CACNA1I: variants seen among roughly 807,000 people sequenced by gnomAD.
The protein encoded by CACNA1I is voltage-dependent T-type calcium channel subunit alpha-1I.
Under a neutral mutation model 201.6 loss-of-function variants are expected in CACNA1I, and 74 were observed. The observed-to-expected ratio is 0.37, with a 90% confidence interval of 0.30 to 0.45. CACNA1I has a LOEUF of 0.45. Ranked by LOEUF, CACNA1I falls within the 20% of genes least tolerant of loss-of-function variation. The pLI, the probability that CACNA1I is intolerant of heterozygous loss-of-function variation, is 1.00. For synonymous variants in CACNA1I, 1,431 were observed against 1,345.2 expected (o/e 1.06, Z -1.40); for missense variants, 2,346 against 3,138.1 (o/e 0.75, Z 6.03).
chr22:39,663,516 G>A (rs977999849), intron 18 of CACNA1I, among the ~76,000 whole-genome samples: 1 of 152,204 alleles, frequency 6.6e-6, no homozygotes, highest in African/African-American at 2.4e-5. Flanking sequence ...GGGTGACCTC[G>A]TGGTGTGGGT....
chr22:39,585,044 C>G (rs1030172185), intron 1 of CACNA1I, among the ~76,000 whole-genome samples: 3 of 152,174 alleles, frequency 2.0e-5, no homozygotes, highest in African/African-American at 7.2e-5. Context: ...ACCTTCCTTT[C>G]TAGTTCTATG....
chr22:39,572,410 C>T (rs1467650797), intron 1 of CACNA1I, among the ~76,000 whole-genome samples: 1 of 152,020 alleles, frequency 6.6e-6, no homozygotes, highest in East Asian at 1.9e-4. Flanking sequence ...TCCAGGGATG[C>T]CAGATGCAGG....
intron 7 of CACNA1I, among the ~76,000 whole-genome samples, chr22:39,646,295 C>A (rs911493184): frequency 6.6e-6 from 1 of 151,996 alleles, no homozygotes; most frequent in Admixed American, 6.6e-5. Context: ...CTTTTCTGAG[C>A]CCGTCTTACT....
In CACNA1I at chr22:39,659,859, G is replaced by T. The variant is rs934577269; in HGVS notation, c.2604+7G>T. 6.8e-6 allele frequency: 11 copies of T among 1,613,566 alleles called. No homozygotes were observed. In the African/African-American group the frequency reaches 1.1e-4, roughly 16 times the overall value. ...GGAGGGCTTCCAGGCGGAGGTGACT[G>T]TGGTCTTGGCAGAGGAAGCACCCCC... On this transcript the variant is annotated splice_region_variant and intron_variant, in intron 14 of 36. Coordinates refer to ENST00000402142, the MANE Select transcript of CACNA1I (RefSeq NM_021096.4). This position sits in a 1 kb window ranked among gnomAD's most constrained non-coding sequence, Gnocchi z 4.3.
Position 39,585,436 on chromosome 22 carries a change from C to A in CACNA1I, c.237-12715C>A, listed in dbSNP as rs181705056. On this transcript the variant is annotated intron_variant, in intron 1 of 36. Transcript: ENST00000402142. ...ACTGAGTCTCCCTCTGTCACCCAGG[C>A]TGGAGTGCAGTGGCGCGATCTTGGC... 1.9e-4 allele frequency among the ~76,000 whole-genome samples: 25 copies of A among 129,046 alleles called. No individual in the cohort carries two copies. The East Asian group carries it at 5.7e-3, about 30-fold the overall frequency. The allele number at this position is 129,046 out of a possible 152,430, so 84.7% of individuals were successfully genotyped here. A position where few individuals can be genotyped will look rare whatever the true frequency, so the allele number is the denominator to read the frequency against.
intron 4 of CACNA1I, 101 bp from the exon 5 acceptor site, chr22:39,634,464 A>G (rs1028658191): frequency 1.3e-5 from 15 of 1,125,774 alleles, no homozygotes; most frequent in Non-Finnish European, 2.0e-5. Context: ...CTGATAATGC[A>G]TCCCCCTCCC....
Position 39,665,707 on chromosome 22 carries a change from C to A in CACNA1I, c.3978+83C>A. ...TCAGACAGCCAGGGGAGAGACTCCA[C>A]ATTCCAACCTCATGCGCCTTGCCAG... On this transcript the variant is annotated intron_variant, in intron 22 of 36. Transcript: ENST00000402142. This position sits in a 1 kb window ranked among gnomAD's most constrained non-coding sequence, Gnocchi z 5.5. 1 of 1,566,032 alleles carries A rather than the reference C, an allele frequency of 6.4e-7. No individual in the cohort carries two copies.
At chr22:39,631,859 T>A (rs1934072729) in intron 4 of CACNA1I, among the ~76,000 whole-genome samples, 1 of 152,126 alleles carries the variant, frequency 6.6e-6, no homozygotes, top group Non-Finnish European at 1.5e-5. Flanking sequence ...CCTCCCTGAA[T>A]CCCTAATCCT....
In CACNA1I at chr22:39,662,280, G is replaced by A. The variant is rs1241358662; in HGVS notation, c.3217G>A (p.Ala1073Thr). ...GGTGGACCTGGCCGAGCTGGTGCCCGCGGTGGGCGCCCACCCCCGGGCCGC... is the reference window on the plus strand; with the variant it reads ...GGTGGACCTGGCCGAGCTGGTGCCCACGGTGGGCGCCCACCCCCGGGCCGC... ...DSVDLAELVP[A>T]VGAHPRAAWR... The change falls in exon 17 of 37, where the codon GCG becomes ACG. Residue 1073 changes from alanine to threonine, a missense_variant. Transcript: ENST00000402142. The A allele has an allele frequency of 6.6e-7, 1 of 1,514,886 alleles. No individual in the cohort carries two copies. Among genetic ancestry groups the A allele is most frequent in the Non-Finnish European group, 8.8e-7 (1 of 1,136,912 alleles). The allele number at this position is 1,514,886 out of a possible 1,614,324, so 93.8% of individuals were successfully genotyped here.
chr22:39,623,345 TG>T (rs1456664345), intron 4 of CACNA1I, among the ~76,000 whole-genome samples: 1 of 151,680 alleles, frequency 6.6e-6, no homozygotes, highest in African/African-American at 2.4e-5. Context: ...CATGTGACAA[TG>T]TGTGCATCTG....
At chr22:39,664,631 CG>C (rs1310319543) in intron 20 of CACNA1I, 107 bp from the exon 21 acceptor site, 2 of 458,464 alleles carry the variant, frequency 4.4e-6, no homozygotes, top group African/African-American at 4.0e-5. Context: ...GCCCCCTCCC[CG>C]AAGCCGATCA....
intron 4 of CACNA1I, 46 bp downstream of exon 4, chr22:39,619,453 C>T: frequency 2.8e-6 from 4 of 1,447,264 alleles, no homozygotes; most frequent in Non-Finnish European, 3.8e-6. Context: ...TGATCCATCC[C>T]TGGCCAACCC....
chr22:39,663,338 C>T (rs1046597432), intron 18 of CACNA1I, among the ~76,000 whole-genome samples: 3 of 152,144 alleles, frequency 2.0e-5, no homozygotes, highest in Admixed American at 6.5e-5. Context: ...AGGCAGGTGG[C>T]ATTCCAGTAG....
intron 3 of CACNA1I, among the ~76,000 whole-genome samples, chr22:39,613,147 C>A (rs1188953102): frequency 6.6e-6 from 1 of 152,216 alleles, no homozygotes; most frequent in Non-Finnish European, 1.5e-5. Context: ...AAATCTCAGT[C>A]ATTTCTTGTG....
intron 1 of CACNA1I, among the ~76,000 whole-genome samples, chr22:39,582,477 TG>T (rs1320845110): frequency 6.6e-6 from 1 of 151,974 alleles, no homozygotes; most frequent in Non-Finnish European, 1.5e-5. Flanking sequence ...CCAGCCCCAG[TG>T]ACAAAGAATT....
chr22:39,681,559 C>T (rs188981884), intron 34 of CACNA1I, among the ~76,000 whole-genome samples: 3 of 152,330 alleles, frequency 2.0e-5, no homozygotes, highest in Admixed American at 1.3e-4. Flanking sequence ...TGGGGCGATG[C>T]TCACATCACA....
intron 5 of CACNA1I, among the ~76,000 whole-genome samples, chr22:39,636,635 T>C (rs1470983199): frequency 6.6e-6 from 1 of 152,122 alleles, no homozygotes; most frequent in Non-Finnish European, 1.5e-5. Flanking sequence ...ACAAGGCTTG[T>C]TTAGGGCAGG....
intron 1 of CACNA1I, among the ~76,000 whole-genome samples, chr22:39,576,533 G>A (rs1402656708): frequency 6.6e-6 from 1 of 152,172 alleles, no homozygotes. Context: ...ACTCCACCAG[G>A]GCAGAGAGGA....
intron 1 of CACNA1I, among the ~76,000 whole-genome samples, chr22:39,578,803 T>C (rs62228480): frequency 0.066 from 10,000 of 152,198 alleles, 441 homozygotes; most frequent in Non-Finnish European, 0.1. Context: ...CCAGCCCTAT[T>C]CTTCCCGTTC....
Sources: gnomAD v4.1 joint callset for allele counts (sites outside exome capture counted in the v4.1 genomes callset) on GRCh38, gnomAD v4.1.1 for gene constraint, Gnocchi (gnomAD v3.1) non-coding constraint, MANE v1.5 for transcripts, NCBI Gene and HGNC (gene_info 2026-07-23, HGNC 2026-07-21) for gene names.